The following SLC8A1 variants were observed in gnomAD, a reference collection of about 807,000 sequenced individuals.
The protein encoded by SLC8A1 is solute carrier family 8 member A1.
Under a neutral mutation model 68.3 loss-of-function variants are expected in SLC8A1, and 18 were observed. The observed-to-expected ratio is 0.26, with a 90% CI of 0.18 to 0.39. SLC8A1 has a LOEUF of 0.39. Among genes scored for constraint, SLC8A1 ranks in the 10% least tolerant of loss-of-function variants. The probability of loss-of-function intolerance (pLI) is 1.00; values close to 1 mark genes in which losing one functional copy is unlikely to be tolerated. For missense variants in SLC8A1, 985 were observed against 1,156.7 expected (o/e 0.85, Z 2.15); for synonymous variants, 475 against 415.5 (o/e 1.14, Z -1.74).
intron 2 of SLC8A1, among the ~76,000 whole-genome samples, chr2:40,215,581 G>A (rs1038854759): frequency 5.5e-5 from 8 of 145,406 alleles, no homozygotes; most frequent in African/African-American, 2.0e-4. Flanking sequence ...AGCTTGCAGT[G>A]AGCCGAGATT....
intron 2 of SLC8A1, among the ~76,000 whole-genome samples, chr2:40,298,066 G>C (rs953672093): frequency 6.6e-6 from 1 of 151,988 alleles, no homozygotes; most frequent in African/African-American, 2.4e-5. Flanking sequence ...GATTTTAGTA[G>C]AGACAGAATT....
intron 2 of SLC8A1, among the ~76,000 whole-genome samples, chr2:40,394,361 A>C (rs1022474375): frequency 1.3e-5 from 2 of 151,954 alleles, no homozygotes; most frequent in African/African-American, 4.8e-5. Flanking sequence ...TGCTTTTTCT[A>C]ACGTGGATTC....
intron 2 of SLC8A1, among the ~76,000 whole-genome samples, chr2:40,339,042 G>A (rs978339154): frequency 6.6e-6 from 1 of 152,170 alleles, no homozygotes; most frequent in African/African-American, 2.4e-5. Context: ...ATAAAAATAA[G>A]ACAACCCACA....
intron 2 of SLC8A1, among the ~76,000 whole-genome samples, chr2:40,212,452 T>C (rs1337879589): frequency 6.6e-6 from 1 of 151,944 alleles, no homozygotes; most frequent in Non-Finnish European, 1.5e-5. Context: ...ACCCAGCTAA[T>C]TTTTGTATTT....
chr2:40,357,480 G>C (rs1160503637), intron 2 of SLC8A1, among the ~76,000 whole-genome samples: 1 of 132,914 alleles, frequency 7.5e-6, no homozygotes, highest in Admixed American at 8.7e-5. Flanking sequence ...CTGGGCAACA[G>C]AGCCAGACCC....
chr2:40,146,152 A>C (rs1349126521), intron 6 of SLC8A1, among the ~76,000 whole-genome samples: 2 of 152,232 alleles, frequency 1.3e-5, no homozygotes, highest in Non-Finnish European at 2.9e-5. Context: ...TAGATCTATG[A>C]GTTGCCAGTG....
At chr2:40,410,131 T>A (rs140475128) in intron 2 of SLC8A1, among the ~76,000 whole-genome samples, 161 of 152,206 alleles carry the variant, frequency 1.1e-3, no homozygotes, top group African/African-American at 3.6e-3. Context: ...GGGCAAGGGA[T>A]AGAACACATG....
chr2:40,176,034 G>T, intron 3 of SLC8A1: 1 of 435,406 alleles, frequency 2.3e-6, no homozygotes, highest in South Asian at 1.6e-5. Flanking sequence ...TGGGTTGGGG[G>T]GAGGGGGACG....
In SLC8A1 at chr2:40,203,109, T is replaced by C. The variant is rs551373269; in HGVS notation, c.1809-25254A>G. 1.7e-4 allele frequency among the ~76,000 whole-genome samples: 26 copies of C among 152,068 alleles called. No homozygotes were observed. The South Asian group carries it at 5.4e-3, about 32-fold the overall frequency. ...CGATAAAACAAAAGGATTAAACTTT[T>C]GACAGACTTTCCCTATTCTCACCAA... On this transcript the variant is annotated intron_variant, in intron 2 of 7. Coordinates refer to ENST00000406785, the Ensembl canonical transcript of SLC8A1.
chr2:40,296,348 A>G (rs989231001), intron 2 of SLC8A1, among the ~76,000 whole-genome samples: 12 of 152,174 alleles, frequency 7.9e-5, no homozygotes, highest in African/African-American at 2.7e-4. Context: ...CTACAGACCA[A>G]TGGAATATAA....
chr2:40,448,851 G>T (rs1701917936), intron 1 of SLC8A1, among the ~76,000 whole-genome samples: 1 of 152,038 alleles, frequency 6.6e-6, no homozygotes, highest in Admixed American at 6.6e-5. Flanking sequence ...AAGATAAAGG[G>T]ACCAGGAAGA....
intron 2 of SLC8A1, among the ~76,000 whole-genome samples, chr2:40,414,003 TTGTAAGAATTA>T (rs1436077024): frequency 2.0e-5 from 3 of 152,116 alleles, no homozygotes; most frequent in Admixed American, 6.6e-5. Flanking sequence ...AAAAGAAAAT[TTGTAAGAATTA>T]TGTAAGAGAA....
At chr2:40,274,858 A>G (rs1481882930) in intron 2 of SLC8A1, among the ~76,000 whole-genome samples, 1 of 152,180 alleles carries the variant, frequency 6.6e-6, no homozygotes, top group African/African-American at 2.4e-5. Context: ...GTAAATGGAT[A>G]AGGATTGAAG....
intron 2 of SLC8A1, among the ~76,000 whole-genome samples, chr2:40,294,458 C>G (rs1384191375): frequency 1.3e-5 from 2 of 151,868 alleles, no homozygotes; most frequent in African/African-American, 2.4e-5. Flanking sequence ...TTCAGACAGC[C>G]ATTAAAAAAT....
At chr2:40,188,245 C>G (rs909943168) in intron 2 of SLC8A1, among the ~76,000 whole-genome samples, 1 of 152,154 alleles carries the variant, frequency 6.6e-6, no homozygotes, top group African/African-American at 2.4e-5. Flanking sequence ...AATCTGAGAT[C>G]TTAACTGTAC....
chr2:40,380,484 A>T (rs1681388389), intron 2 of SLC8A1, among the ~76,000 whole-genome samples: 1 of 151,416 alleles, frequency 6.6e-6, no homozygotes, highest in Admixed American at 6.6e-5. Context: ...GTTTTATCTC[A>T]TTTTTTTTTA....
chr2:40,476,319 C>T (rs1009233520), intron 1 of SLC8A1, among the ~76,000 whole-genome samples: 1 of 152,038 alleles, frequency 6.6e-6, no homozygotes, highest in Non-Finnish European at 1.5e-5. Context: ...TTCTTCATAC[C>T]TGCTGGATAT....
intron 7 of SLC8A1, among the ~76,000 whole-genome samples, chr2:40,122,390 C>G (rs956673637): frequency 2.6e-5 from 4 of 152,066 alleles, no homozygotes; most frequent in African/African-American, 9.7e-5. Context: ...AAAATTTCTG[C>G]CCATAAAAGT....
At chr2:40,486,637 G>C (rs887453091) in intron 1 of SLC8A1, among the ~76,000 whole-genome samples, 1 of 151,606 alleles carries the variant, frequency 6.6e-6, no homozygotes, top group African/African-American at 2.4e-5. Context: ...AGAAAGAATG[G>C]GTAGAAAAAG....
Sources: gnomAD v4.1 joint callset for allele counts (sites outside exome capture counted in the v4.1 genomes callset) on GRCh38, gnomAD v4.1.1 for gene constraint, MANE v1.5 for transcripts, NCBI Gene and HGNC (gene_info 2026-07-23, HGNC 2026-07-21) for gene names.